RORB: variants seen among roughly 807,000 people sequenced by gnomAD.
RORB encodes the protein RAR related orphan receptor B.
A neutral mutation model predicts 59.1 loss-of-function variants in RORB; 6 were observed. The ratio of observed to expected loss-of-function variants is 0.10; its 90% confidence interval spans 0.06 to 0.20. RORB has a LOEUF of 0.20. Among genes scored for constraint, RORB ranks in the 10% least tolerant of loss-of-function variants. RORB has a pLI of 1.00. For synonymous variants in RORB, 215 were observed against 204.5 expected (o/e 1.05, Z -0.44); for missense variants, 320 against 560.5 (o/e 0.57, Z 4.33).
At chr9:74,529,868 C>A (rs1455434552) in intron 1 of RORB, among the ~76,000 whole-genome samples, 1 of 151,830 alleles carries the variant, frequency 6.6e-6, no homozygotes, top group Non-Finnish European at 1.5e-5. Context: ...GAAGGACTTA[C>A]TCATGTAACC....
intron 1 of RORB, among the ~76,000 whole-genome samples, chr9:74,549,964 A>T (rs1826581646): frequency 6.6e-6 from 1 of 152,048 alleles, no homozygotes. Context: ...TCCTGACCTC[A>T]GGTGATCTGC....
intron 1 of RORB, among the ~76,000 whole-genome samples, chr9:74,546,045 G>C (rs1421886814): frequency 1.3e-5 from 2 of 152,158 alleles, no homozygotes; most frequent in African/African-American, 4.8e-5. Context: ...TATAGTTCTA[G>C]ATAAAAGGAT....
At chr9:74,610,074 C>T (rs2118353484) in intron 1 of RORB, among the ~76,000 whole-genome samples, 1 of 152,350 alleles carries the variant, frequency 6.6e-6, no homozygotes, top group South Asian at 2.1e-4. Flanking sequence ...ATAATGTATA[C>T]AGCGTCTCAC....
chr9:74,674,856 A>G (rs1356950217), intron 9 of RORB, among the ~76,000 whole-genome samples: 1 of 152,212 alleles, frequency 6.6e-6, no homozygotes, highest in African/African-American at 2.4e-5. Flanking sequence ...CACTTGCTAG[A>G]TGAGTGTCCC....
chr9:74,524,798 G>T (rs896312820), intron 1 of RORB, among the ~76,000 whole-genome samples: 1 of 151,656 alleles, frequency 6.6e-6, no homozygotes, highest in Non-Finnish European at 1.5e-5. Flanking sequence ...GTATTATATA[G>T]CCTGCAAAGA....
rs541626903 is a variant in RORB, at chr9:74,546,772, A to G, written c.7+48789A>G. Among the ~76,000 whole-genome samples, 5 of 152,352 alleles carry G rather than the reference A, an allele frequency of 3.3e-5. No individual in the cohort carries two copies. The South Asian group carries it at 8.3e-4, about 25-fold the overall frequency. On this transcript the variant is annotated intron_variant, in intron 1 of 9. Transcript: ENST00000376896. ...GATTCTGATGCAGTAGGTTTATGAT[A>G]GAGCCTAATTATCTCTTGTGAGTGA...
At chr9:74,575,186 A>G (rs917723204) in intron 1 of RORB, among the ~76,000 whole-genome samples, 1 of 152,094 alleles carries the variant, frequency 6.6e-6, no homozygotes, top group Non-Finnish European at 1.5e-5. Context: ...AACAAATCAC[A>G]TTGTTTACTC....
At chr9:74,500,855 C>T (rs535261153) in intron 1 of RORB, among the ~76,000 whole-genome samples, 2 of 152,258 alleles carry the variant, frequency 1.3e-5, no homozygotes, top group East Asian at 3.9e-4. Context: ...CTTACTCTAG[C>T]CTGGGGCGGA....
At chr9:74,682,646 A>C (rs1276414457) in intron 9 of RORB, among the ~76,000 whole-genome samples, 2 of 152,196 alleles carry the variant, frequency 1.3e-5, no homozygotes, top group Non-Finnish European at 2.9e-5. Flanking sequence ...AGCTCTGAGC[A>C]CATGGAACCT....
chr9:74,502,964 T>G (rs1233191681), intron 1 of RORB, among the ~76,000 whole-genome samples: 1 of 152,088 alleles, frequency 6.6e-6, no homozygotes, highest in Admixed American at 6.6e-5. Flanking sequence ...AGTAAAGGCT[T>G]TATTTATACT....
At chr9:74,614,389 T>A (rs74808367) in intron 1 of RORB, among the ~76,000 whole-genome samples, 2,054 of 151,592 alleles carry the variant, frequency 0.014, 20 homozygotes, top group East Asian at 0.027. Flanking sequence ...CTCTTTTTTT[T>A]AAAAAAAAGC....
chr9:74,598,456 C>T lies in RORB; in HGVS notation c.8-31826C>T, dbSNP rs376887556. On this transcript the variant is annotated intron_variant, in intron 1 of 9. Transcript: ENST00000376896. ...CAGGTCAGCATGTTGGACCCACACA[C>T]GCTTTTCCAACTGAGCTGTACTTTT... is the stretch of plus-strand genomic sequence containing the variant. Among the ~76,000 whole-genome samples the T allele has an allele frequency of 6.2e-3, 950 of 152,248 alleles. 16 individuals are homozygous for T. The highest frequency in any genetic ancestry group is 0.022 in the African/African-American group (905 of 41,542).
chr9:74,505,301 A>T (rs1183701204), intron 1 of RORB, among the ~76,000 whole-genome samples: 5 of 152,038 alleles, frequency 3.3e-5, no homozygotes, highest in Non-Finnish European at 5.9e-5. Flanking sequence ...TCATTGATCG[A>T]CTCATTTTTA....
chr9:74,660,503 C>A, intron 4 of RORB, 114 bp from the exon 5 acceptor site: 2 of 816,196 alleles, frequency 2.5e-6, no homozygotes, highest in Admixed American at 2.8e-5. Context: ...ATGTTAAAGA[C>A]ACTTTAATAC....
At chr9:74,563,792 G>T (rs1218046063) in intron 1 of RORB, among the ~76,000 whole-genome samples, 1 of 152,212 alleles carries the variant, frequency 6.6e-6, no homozygotes, top group African/African-American at 2.4e-5. Context: ...GAGTGAGTGG[G>T]TTAGGGACTG....
chr9:74,603,789 C>T (rs1175151441), intron 1 of RORB, among the ~76,000 whole-genome samples: 1 of 152,184 alleles, frequency 6.6e-6, no homozygotes, highest in Non-Finnish European at 1.5e-5. Flanking sequence ...TGACATAACA[C>T]ATTGTAAAGT....
At position 74,691,528 on chromosome 9, in the gene RORB, A is replaced by G. The variant is rs1824740803; in HGVS notation, c.*5910A>G. 6.6e-6 allele frequency: 1 copy of G among 152,228 alleles called. No individual in the cohort carries two copies. The highest frequency in any genetic ancestry group is 6.5e-5 in the Admixed American group (1 of 15,276). The allele number at this position is 152,228 out of a possible 1,614,324, so 9.4% of individuals were successfully genotyped here. Reference sequence around the variant, plus strand: ...TATGTATTGTAGAAATGTAGAGGAAAAATAAAAATATTTTTTCAAATGTAA... The same window carrying G: ...TATGTATTGTAGAAATGTAGAGGAAGAATAAAAATATTTTTTCAAATGTAA... On this transcript the variant is annotated 3_prime_UTR_variant, in exon 10 of 10. Coordinates refer to ENST00000376896, the MANE Select transcript of RORB (RefSeq NM_006914.4).
At chr9:74,646,885 C>T (rs1823908723) in intron 4 of RORB, among the ~76,000 whole-genome samples, 1 of 152,142 alleles carries the variant, frequency 6.6e-6, no homozygotes, top group African/African-American at 2.4e-5. Flanking sequence ...TGCTACCACA[C>T]TCTTCTGGAG....
At chr9:74,655,458 A>G (rs1249804067) in intron 4 of RORB, among the ~76,000 whole-genome samples, 1 of 152,266 alleles carries the variant, frequency 6.6e-6, no homozygotes, top group Non-Finnish European at 1.5e-5. Flanking sequence ...AAACAGCTGC[A>G]ATCCAAGTTA....
Sources: gnomAD v4.1 joint callset for allele counts (sites outside exome capture counted in the v4.1 genomes callset) on GRCh38, gnomAD v4.1.1 for gene constraint, MANE v1.5 for transcripts, NCBI Gene and HGNC (gene_info 2026-07-23, HGNC 2026-07-21) for gene names.